TRPA1: variants seen among roughly 807,000 people sequenced by gnomAD.
The protein encoded by TRPA1 is ankyrin-like with transmembrane domains 1.
In TRPA1, 129 loss-of-function variants were observed where a neutral mutation model predicts 131.3. That is an observed-to-expected ratio of 0.98 (90% CI 0.85 to 1.14). The LOEUF is 1.14. Among genes scored for constraint, TRPA1 ranks in the 50% most tolerant of loss-of-function variants. TRPA1 has a pLI of 0.00. For synonymous variants in TRPA1, 441 were observed against 451.7 expected, an observed-to-expected ratio of 0.98 and a Z score of 0.30; for missense variants, 1,304 against 1,354.2, an observed-to-expected ratio of 0.96 and a Z score of 0.58.
intron 23 of TRPA1, among the ~76,000 whole-genome samples, chr8:72,031,137 A>G (rs1303133478): frequency 6.6e-6 from 1 of 152,238 alleles, no homozygotes; most frequent in African/African-American, 2.4e-5. Context: ...GAAGACAGGG[A>G]GAATATATTC....
At chr8:72,039,832 T>G in intron 17 of TRPA1, 35 bp from the exon 18 acceptor site, 1 of 1,388,188 alleles carries the variant, frequency 7.2e-7, no homozygotes, top group Non-Finnish European at 1.0e-6. Context: ...AAAAACACAA[T>G]CATAATCAAC....
chr8:72,039,670 C>T (rs1812178931), intron 18 of TRPA1, 57 bp downstream of exon 18: 11 of 1,102,756 alleles, frequency 1.0e-5, no homozygotes, highest in Non-Finnish European at 1.5e-5. Flanking sequence ...GTTTTGAAGG[C>T]TTTGTAATAG....
At chr8:72,030,675 T>C (rs560953234) in intron 23 of TRPA1, among the ~76,000 whole-genome samples, 1 of 152,264 alleles carries the variant, frequency 6.6e-6, no homozygotes, top group African/African-American at 2.4e-5. Context: ...CACAACATGG[T>C]GGGAAACTCC....
intron 17 of TRPA1, among the ~76,000 whole-genome samples, chr8:72,046,090 T>C (rs538426985): frequency 3.3e-5 from 5 of 152,132 alleles, no homozygotes; most frequent in African/African-American, 1.2e-4. Flanking sequence ...CTCTTGAATA[T>C]GTAGGTGGAT....
chr8:72,053,530 G>C (rs1805581373), intron 13 of TRPA1: 2 of 565,938 alleles, frequency 3.5e-6, no homozygotes, highest in East Asian at 6.4e-5. Context: ...TCGCTGCTCT[G>C]TGAGACTGGA....
At chr8:72,049,577 T>G (rs1166059768) in intron 15 of TRPA1, among the ~76,000 whole-genome samples, 1 of 152,188 alleles carries the variant, frequency 6.6e-6, no homozygotes, top group African/African-American at 2.4e-5. Flanking sequence ...TTTCCCAGAT[T>G]GCTTATTTGC....
At chr8:72,035,248 T>C (rs1811989512) in intron 21 of TRPA1, among the ~76,000 whole-genome samples, 1 of 152,160 alleles carries the variant, frequency 6.6e-6, no homozygotes, top group African/African-American at 2.4e-5. Flanking sequence ...CAGAGACATA[T>C]ATAGTGACTC....
At chr8:72,041,923 A>G (rs1026847855) in intron 17 of TRPA1, among the ~76,000 whole-genome samples, 3 of 151,860 alleles carry the variant, frequency 2.0e-5, no homozygotes, top group African/African-American at 7.2e-5. Context: ...TGAAACCAAG[A>G]ATTGGTTTTT....
chr8:72,052,469 T>C, intron 14 of TRPA1, 130 bp downstream of exon 14: 1 of 1,100,088 alleles, frequency 9.1e-7, no homozygotes, highest in Non-Finnish European at 1.3e-6. Context: ...AAAAAATTGA[T>C]GTAAACAACT....
Position 72,023,089 on chromosome 8 carries a change from T to C in TRPA1, c.3177A>G (p.Glu1059=). 6.2e-7 allele frequency: 1 copy of C among 1,613,526 alleles called. No individual in the cohort carries two copies. The highest frequency in any genetic ancestry group is 8.5e-7 in the Non-Finnish European group (1 of 1,179,748). ...YRLKDLTFLL[E]KQHELIKLII... ...TCAGTTTAATGAGCTCATGCTGTTT[T>C]TCCAGGAGAAAAGTAAGATCCTTCA... Residue 1059 remains glutamate (E), a synonymous_variant, in exon 27 of 27, where the codon GAA becomes GAG. Coordinates refer to ENST00000262209, the MANE Select transcript of TRPA1 (RefSeq NM_007332.3).
chr8:72,069,749 TA>T (rs890644666), intron 2 of TRPA1, among the ~76,000 whole-genome samples: 91 of 139,212 alleles, frequency 6.5e-4, no homozygotes, highest in Middle Eastern at 3.5e-3. Context: ...AAAAAAAAAT[TA>T]AAAAAAAAAC....
intron 21 of TRPA1, 64 bp downstream of exon 21, chr8:72,036,224 A>G (rs1812045213): frequency 4.5e-6 from 7 of 1,544,042 alleles, no homozygotes; most frequent in Non-Finnish European, 6.2e-6. Context: ...CACCAGGTAC[A>G]ATAGTTTTTC....
intron 20 of TRPA1, 137 bp from the exon 21 acceptor site, chr8:72,036,594 C>T: frequency 1.3e-6 from 1 of 763,500 alleles, no homozygotes; most frequent in Non-Finnish European, 2.1e-6. Flanking sequence ...GGAGTAACCT[C>T]ACGCCATCCT....
intron 21 of TRPA1, among the ~76,000 whole-genome samples, chr8:72,035,246 T>C (rs1370976865): frequency 6.6e-6 from 1 of 152,206 alleles, no homozygotes; most frequent in Non-Finnish European, 1.5e-5. Flanking sequence ...CACAGAGACA[T>C]ATATAGTGAC....
At position 72,069,115 on chromosome 8, in the gene TRPA1, G is replaced by A. The variant is rs201061221; in HGVS notation, c.352C>T (p.Leu118Phe). ...KNQIESVKFL[L>F]SRGANPNLRN... Reference sequence around the variant, plus strand: ...AGATTTGGGTTTGCTCCTCTGCTGAGAAGAAACTTAACGCTTTCAATTTGG... The same window carrying A: ...AGATTTGGGTTTGCTCCTCTGCTGAAAAGAAACTTAACGCTTTCAATTTGG... The change falls in exon 3 of 27, where the codon CTC (leucine) becomes TTC (phenylalanine). Residue 118 changes from leucine (L) to phenylalanine (F), a missense_variant. By Grantham distance (22) the Leu-to-Phe change is conservative (BLOSUM62 0). Transcript: ENST00000262209. 2 of 1,614,108 alleles carry A rather than the reference G, an allele frequency of 1.2e-6. No individual in the cohort carries two copies. The highest frequency in any genetic ancestry group is 2.2e-5 in the East Asian group (1 of 44,900).
In TRPA1 at chr8:72,057,811, T is replaced by G; in HGVS notation, c.999A>C (p.Ala333=). 6.2e-7 allele frequency: 1 copy of G among 1,611,938 alleles called. No homozygotes were observed. The highest frequency in any genetic ancestry group is 1.7e-5 in the Admixed American group (1 of 59,960). ...CTTCAGAATCGATCTTATTAATATC[T>G]GCTCCCTAAAAATCAAACAAACCAT... is the stretch of plus-strand genomic sequence containing the variant. ...ELADYLISVG[A]DINKIDSEGR... Residue 333 remains alanine, a synonymous_variant, in exon 9 of 27, where the codon GCA becomes GCC. Transcript: ENST00000262209.
At chr8:72,057,367 A>T (rs571537562) in intron 9 of TRPA1, among the ~76,000 whole-genome samples, 1 of 152,358 alleles carries the variant, frequency 6.6e-6, no homozygotes, top group South Asian at 2.1e-4. Context: ...TCAGAGGCCC[A>T]GGTTAGAATC....
Position 72,055,854 on chromosome 8 carries a change from A to G in TRPA1, c.1196T>C (p.Met399Thr). 1.9e-6 allele frequency: 3 copies of G among 1,607,972 alleles called. No homozygotes were observed. The highest frequency in any genetic ancestry group is 2.5e-6 in the Non-Finnish European group (3 of 1,178,616). ...LKNLRPEFMQ[M>T]QQIKELVMDE... Reference sequence around the variant, plus strand: ...CATTACCAGCTCTTTGATCTGTTGCATCTATAGGAAAAAATTAATATCATA... The same window carrying G: ...CATTACCAGCTCTTTGATCTGTTGCGTCTATAGGAAAAAATTAATATCATA... Residue 399 changes from methionine to threonine, a missense_variant and splice_region_variant, in exon 11 of 27, where the codon ATG becomes ACG. Transcript: ENST00000262209.
At chr8:72,083,493 G>A in the TRPA1 span, among the ~76,000 whole-genome samples, 2 of 152,040 alleles carry the variant, frequency 1.3e-5, no homozygotes, top group African/African-American at 2.4e-5. Context: ...CCAGCACTTT[G>A]GGAGGCCGAG....
Sources: gnomAD v4.1 joint callset for allele counts (sites outside exome capture counted in the v4.1 genomes callset) on GRCh38, gnomAD v4.1.1 for gene constraint, MANE v1.5 for transcripts, NCBI Gene and HGNC (gene_info 2026-07-23, HGNC 2026-07-21) for gene names.